Variants in LILRB1 observed in about 807,000 individuals in gnomAD.
The protein encoded by LILRB1 is leukocyte immunoglobulin-like receptor subfamily B member 1.
A neutral mutation model predicts 74.6 loss-of-function variants in LILRB1; 59 were observed. That is an observed-to-expected ratio of 0.79 (90% CI 0.64 to 0.98). The LOEUF is 0.98. Among genes scored for constraint, LILRB1 ranks in the 50% least tolerant of loss-of-function variants. The pLI, the probability that LILRB1 is intolerant of heterozygous loss-of-function variation, is 0.00. For synonymous variants in LILRB1, 328 were observed against 333.9 expected (o/e 0.98, Z 0.19); for missense variants, 804 against 822.6 (o/e 0.98, Z 0.28).
intron 9 of LILRB1, 79 bp from the exon 10 acceptor site, chr19:54,634,562 A>C (rs769938931): frequency 1.0e-4 from 160 of 1,528,350 alleles, no homozygotes; most frequent in Non-Finnish European, 1.9e-5. Context: ...TGGTGAACAG[A>C]AGGTCCAGCA....
rs1489874416 is a variant in LILRB1, at chr19:54,636,773, G to T, written c.1854G>T (p.Gln618His). 1 of 1,602,762 alleles carries T rather than the reference G, an allele frequency of 6.2e-7. No homozygotes were observed. Among genetic ancestry groups the T allele is most frequent in the Non-Finnish European group, 8.5e-7 (1 of 1,175,188 alleles). ...CCCCCCAGGATGTGACCTACGCCCA[G>T]CTGCACAGCTTGACCCTCAGACGGG... Reference protein sequence around the residue: ...SEAPQDVTYAQLHSLTLRREA... With the variant: ...SEAPQDVTYAHLHSLTLRREA... The change falls in exon 15 of 15, where the codon CAG becomes CAT. Residue 618 changes from glutamine (Q) to histidine (H), a missense_variant. By Grantham distance (24) the Gln-to-His change is conservative. Coordinates refer to ENST00000324602, the MANE Select transcript of LILRB1 (RefSeq NM_001081637.3).
chr19:54,625,941 C>G (rs190126538), upstream of LILRB1, among the ~76,000 whole-genome samples: 1 of 152,270 alleles, frequency 6.6e-6, no homozygotes, highest in East Asian at 1.9e-4. Context: ...TCACCCCTTC[C>G]CCGTGTTAGA....
At chr19:54,619,016 T>G (rs182211892) in intron 1 of LILRB1, among the ~76,000 whole-genome samples, 22 of 152,172 alleles carry the variant, frequency 1.4e-4, no homozygotes, top group African/African-American at 5.3e-4. Flanking sequence ...AATTTAAAAA[T>G]TACAGGAAAA....
At chr19:54,633,422 C>T (rs1335301605) in intron 7 of LILRB1, 104 bp downstream of exon 7, 13 of 1,461,470 alleles carry the variant, frequency 8.9e-6, no homozygotes, top group Middle Eastern at 2.2e-4. Flanking sequence ...CTGAGAGGGG[C>T]TCAGCCAGTG....
intron 1 of LILRB1, among the ~76,000 whole-genome samples, chr19:54,617,770 TAGC>T (rs2063348434): frequency 6.6e-6 from 1 of 152,102 alleles, no homozygotes; most frequent in Admixed American, 6.5e-5. Flanking sequence ...TAGGGTTATT[TAGC>T]TGACAACTGC....
At position 54,634,154 on chromosome 19, in the gene LILRB1, A is replaced by G. The variant is rs908324536; in HGVS notation, c.1363+133A>G. 19 of 1,528,562 alleles carry G rather than the reference A, an allele frequency of 1.2e-5. No individual in the cohort carries two copies. In the African/African-American group the frequency reaches 2.5e-4, roughly 20 times the overall value. The allele number at this position is 1,528,562 out of a possible 1,614,324, so 94.7% of individuals were successfully genotyped here. ...CCCCTGCTTGGGCCTCAGTTTCTCC[A>G]AATGTAAAGGTGAGAGGCCTGCGGG... On this transcript the variant is annotated intron_variant, in intron 9 of 14. Coordinates refer to ENST00000324602, the MANE Select transcript of LILRB1 (RefSeq NM_001081637.3).
At chr19:54,633,729 C>T in intron 8 of LILRB1, 41 bp downstream of exon 8, 1 of 1,591,378 alleles carries the variant, frequency 6.3e-7, no homozygotes, top group South Asian at 1.1e-5. Context: ...AGTGCGGCCT[C>T]CCCCAGGGCA....
intron 1 of LILRB1, among the ~76,000 whole-genome samples, chr19:54,624,593 C>T (rs893292457): frequency 2.0e-5 from 3 of 152,004 alleles, no homozygotes; most frequent in African/African-American, 4.8e-5. Flanking sequence ...TGGGTGGGCC[C>T]GACCTCAGGC....
chr19:54,634,785 C>T, intron 10 of LILRB1, 22 bp downstream of exon 10: 1 of 1,612,218 alleles, frequency 6.2e-7, no homozygotes, highest in Non-Finnish European at 8.5e-7. Flanking sequence ...ATGGGGGGAC[C>T]CTGAGGGCTG....
upstream of LILRB1, among the ~76,000 whole-genome samples, chr19:54,627,334 TCCCTTCACTGCAGACACCCAA>T: frequency 1.3e-5 from 2 of 152,026 alleles, no homozygotes; most frequent in Non-Finnish European, 2.9e-5. Context: ...CGTAACCCAA[TCCCTTCACTGCAGACACCCAA>T]TAGGAAAGTC....
intron 13 of LILRB1, 28 bp from the exon 14 acceptor site, chr19:54,636,466 G>A: frequency 6.2e-7 from 1 of 1,608,336 alleles, no homozygotes; most frequent in Non-Finnish European, 8.5e-7. Flanking sequence ...AGGATTCAAG[G>A]ACACCCCCCA....
upstream of LILRB1, among the ~76,000 whole-genome samples, chr19:54,626,421 CCTT>C (rs1347700857): frequency 1.3e-5 from 2 of 152,168 alleles, no homozygotes; most frequent in Non-Finnish European, 2.9e-5. Context: ...ATAACGTACT[CCTT>C]ATTTCCTTCA....
chr19:54,620,684 G>A (rs921607047), intron 1 of LILRB1, among the ~76,000 whole-genome samples: 1 of 152,092 alleles, frequency 6.6e-6, no homozygotes, highest in Non-Finnish European at 1.5e-5. Flanking sequence ...AACACCAAGT[G>A]CAGCATCCCA....
intron 7 of LILRB1, 123 bp from the exon 8 acceptor site, chr19:54,633,515 C>A: frequency 8.3e-7 from 1 of 1,210,838 alleles, no homozygotes; most frequent in Non-Finnish European, 1.1e-6. Context: ...GCATCATGGA[C>A]AGGAGAGGCG....
At chr19:54,635,736 G>A (rs778360413) in intron 13 of LILRB1, 127 bp downstream of exon 13, 19 of 1,116,818 alleles carry the variant, frequency 1.7e-5, no homozygotes, top group East Asian at 2.3e-5. Flanking sequence ...TGTCCAGCAC[G>A]CTGCCTCCCG....
intron 1 of LILRB1, among the ~76,000 whole-genome samples, chr19:54,620,329 TA>T (rs920806851): frequency 5.3e-5 from 8 of 152,182 alleles, no homozygotes; most frequent in African/African-American, 1.9e-4. Context: ...TGGTAGATTG[TA>T]AAAAATAACC....
chr19:54,635,266 C>A lies in LILRB1; in HGVS notation c.1570C>A (p.Pro524Thr). The change falls in exon 12 of 15, where the codon CCA becomes ACA. Residue 524 changes from proline (P) to threonine (T), a missense_variant. By Grantham distance (38) the Pro-to-Thr change is conservative (BLOSUM62 -1). Coordinates refer to ENST00000324602, the MANE Select transcript of LILRB1 (RefSeq NM_001081637.3). ...CTCCCATTCTTCCCCCAGGTCCAGCCCAGCTGCCGATGCCCAGGAAGAAAA... is the reference window on the plus strand; with the variant it reads ...CTCCCATTCTTCCCCCAGGTCCAGCACAGCTGCCGATGCCCAGGAAGAAAA... ...TDRGLQWRSS[P>T]AADAQEENLY... The A allele has an allele frequency of 6.2e-7, 1 of 1,612,470 alleles. No homozygotes were observed.
In LILRB1 at chr19:54,632,078, C is replaced by T. The variant is rs781081505; in HGVS notation, c.502C>T (p.Leu168=). 1 of 1,614,264 alleles carries T rather than the reference C, an allele frequency of 6.2e-7. No individual in the cohort carries two copies. The highest frequency in any genetic ancestry group is 8.5e-7 in the Non-Finnish European group (1 of 1,180,030). The part of the protein sequence containing the change: ...KEGEDEHPQC[L]NSQPHARGSS... ...AGGAGAAGATGAACACCCACAATGCCTGAACTCCCAGCCCCATGCCCGTGG... is the reference window on the plus strand; with the variant it reads ...AGGAGAAGATGAACACCCACAATGCTTGAACTCCCAGCCCCATGCCCGTGG... The change falls in exon 5 of 15, where the codon CTG becomes TTG. Residue 168 remains leucine, a synonymous_variant. Transcript: ENST00000324602.
At chr19:54,625,394 T>G (rs2063553806) in intron 1 of LILRB1, among the ~76,000 whole-genome samples, 2 of 151,994 alleles carry the variant, frequency 1.3e-5, no homozygotes, top group Admixed American at 1.3e-4. Flanking sequence ...CAGTGGCAGC[T>G]GGACCCAGGC....
Sources: allele counts gnomAD v4.1 joint callset (sites outside exome capture counted in the v4.1 genomes callset), GRCh38; gene constraint gnomAD v4.1.1; transcripts MANE v1.5; gene names NCBI Gene and HGNC (gene_info 2026-07-23, HGNC 2026-07-21).